PDE4D: variants seen among roughly 807,000 people sequenced by gnomAD.
PDE4D encodes the protein phosphodiesterase 4D.
In PDE4D, 24 loss-of-function variants were observed where a neutral mutation model predicts 87.4. The ratio of observed to expected loss-of-function variants is 0.27; its 90% CI spans 0.20 to 0.39. The LOEUF (loss-of-function observed/expected upper bound fraction) is 0.39, where lower values mean the gene tolerates loss of function less well. PDE4D is among the 10% of genes least tolerant of loss of function. The probability of loss-of-function intolerance (pLI) is 1.00; values close to 1 mark genes in which losing one functional copy is unlikely to be tolerated. For missense variants in PDE4D, 714 were observed against 1,041.0 expected, an observed-to-expected ratio of 0.69 and a Z score of 4.32; for synonymous variants, 384 against 383.2, an observed-to-expected ratio of 1.00 and a Z score of -0.02.
rs1270944595 is a variant in PDE4D, at chr5:59,836,343, G to A, written c.455+56825C>T. ...TCTCTAATTTTTCTTCAACAAATAT[G>A]TATTTCTTTGGAGTAAAAACAATAG... On this transcript the variant is annotated intron_variant, in intron 1 of 14. Transcript: ENST00000340635. Among the ~76,000 whole-genome samples, 3 of 152,072 alleles carry A rather than the reference G, an allele frequency of 2.0e-5. No individual in the cohort carries two copies. The South Asian group carries it at 6.2e-4, about 32-fold the overall frequency.
chr5:60,228,445 A>G (rs1745390597), intron 1 of PDE4D, among the ~76,000 whole-genome samples: 1 of 152,118 alleles, frequency 6.6e-6, no homozygotes, highest in Non-Finnish European at 1.5e-5. Flanking sequence ...ACAGAGAAAT[A>G]TCACATGCCA....
chr5:59,659,897 G>A (rs1744963017), intron 1 of PDE4D, among the ~76,000 whole-genome samples: 1 of 152,068 alleles, frequency 6.6e-6, no homozygotes, highest in East Asian at 1.9e-4. Flanking sequence ...AATAAATATT[G>A]AAGTAGGCCG....
intron 1 of PDE4D, among the ~76,000 whole-genome samples, chr5:59,713,420 A>C (rs1754501959): frequency 6.6e-6 from 1 of 152,134 alleles, no homozygotes; most frequent in African/African-American, 2.4e-5. Flanking sequence ...TTGTCTGTAA[A>C]AGGTATAACT....
At chr5:60,196,181 T>A (rs1282174596) in intron 1 of PDE4D, among the ~76,000 whole-genome samples, 1 of 151,698 alleles carries the variant, frequency 6.6e-6, no homozygotes. Flanking sequence ...GGTATGGAAA[T>A]GCCAGAGTAC....
chr5:60,230,954 C>A (rs1745736239), intron 1 of PDE4D, among the ~76,000 whole-genome samples: 2 of 152,062 alleles, frequency 1.3e-5, no homozygotes, highest in African/African-American at 4.8e-5. Context: ...CTTCGCTGAT[C>A]TCTCATTATT....
chr5:59,663,995 T>C (rs1040807240), intron 1 of PDE4D, among the ~76,000 whole-genome samples: 5 of 152,212 alleles, frequency 3.3e-5, no homozygotes. Flanking sequence ...TTGAAGCCAA[T>C]GTAACCAACA....
chr5:59,834,631 T>C (rs1561737768), intron 1 of PDE4D, among the ~76,000 whole-genome samples: 1 of 152,074 alleles, frequency 6.6e-6, no homozygotes, highest in Non-Finnish European at 1.5e-5. Flanking sequence ...TTTACTACGC[T>C]TCATGCTCTT....
chr5:59,802,164 T>G (rs560177906), intron 1 of PDE4D, among the ~76,000 whole-genome samples: 1 of 152,240 alleles, frequency 6.6e-6, no homozygotes, highest in South Asian at 2.1e-4. Flanking sequence ...TATGCCCAGA[T>G]CACAGCCCAC....
At chr5:59,970,613 C>A (rs990565209) in intron 3 of PDE4D, among the ~76,000 whole-genome samples, 2 of 151,172 alleles carry the variant, frequency 1.3e-5, no homozygotes. Flanking sequence ...AAAATGCTCA[C>A]CATCACTGGC....
intron 2 of PDE4D, chr5:60,147,979 A>G (rs764854390): frequency 1.3e-5 from 4 of 312,624 alleles, no homozygotes; most frequent in South Asian, 2.5e-5. Context: ...TCTTGGCCAC[A>G]GAGATCAACC....
Position 60,110,834 on chromosome 5 carries a change from G to A in PDE4D, c.42+74723C>T, listed in dbSNP as rs552312625. On this transcript the variant is annotated intron_variant, in intron 2 of 16. Transcript: ENST00000502484. ...TACTATTCAGCCACAAAAAGATAAT[G>A]AAATCCTGTCATTCTCAGCAATGTG... Among the ~76,000 whole-genome samples, 7 of 152,166 alleles carry A rather than the reference G, an allele frequency of 4.6e-5. No homozygotes were observed. In the East Asian group the frequency reaches 1.2e-3, roughly 25 times the overall value.
At chr5:59,777,814 C>A (rs976889530) in intron 1 of PDE4D, among the ~76,000 whole-genome samples, 1 of 152,006 alleles carries the variant, frequency 6.6e-6, no homozygotes, top group Non-Finnish European at 1.5e-5. Context: ...ATAACAAAAT[C>A]ATAAACCATT....
intron 1 of PDE4D, among the ~76,000 whole-genome samples, chr5:59,247,509 T>C (rs878947576): frequency 1.3e-5 from 2 of 152,146 alleles, no homozygotes; most frequent in African/African-American, 4.8e-5. Flanking sequence ...TAGAGTACAA[T>C]GGCTTTTTAC....
At chr5:59,786,765 C>T (rs757889374) in intron 1 of PDE4D, among the ~76,000 whole-genome samples, 6 of 152,098 alleles carry the variant, frequency 3.9e-5, no homozygotes, top group Admixed American at 6.5e-5. Flanking sequence ...AAGTGAAATA[C>T]GGGATTGGTG....
intron 1 of PDE4D, among the ~76,000 whole-genome samples, chr5:59,366,411 A>C (rs1335532366): frequency 6.6e-6 from 1 of 152,208 alleles, no homozygotes; most frequent in Non-Finnish European, 1.5e-5. Flanking sequence ...AGATATGCTC[A>C]AGATTATGAG....
chr5:60,043,393 T>A (rs1768756854), intron 2 of PDE4D, among the ~76,000 whole-genome samples: 1 of 151,982 alleles, frequency 6.6e-6, no homozygotes, highest in African/African-American at 2.4e-5. Flanking sequence ...TCCAGTAGAA[T>A]ATCCCCAACC....
At chr5:60,044,028 C>T (rs1189532096) in intron 2 of PDE4D, among the ~76,000 whole-genome samples, 1 of 151,992 alleles carries the variant, frequency 6.6e-6, no homozygotes, top group Non-Finnish European at 1.5e-5. Context: ...TCTTCTGTAG[C>T]TTCTTTCATG....
At chr5:59,768,619 C>A in intron 1 of PDE4D, 1 of 1,535,160 alleles carries the variant, frequency 6.5e-7, no homozygotes, top group South Asian at 1.3e-5. Flanking sequence ...GCTGTTAGTG[C>A]ATTCAGTCGC....
intron 1 of PDE4D, among the ~76,000 whole-genome samples, chr5:59,412,787 T>C (rs780365459): frequency 2.6e-5 from 4 of 152,224 alleles, no homozygotes; most frequent in African/African-American, 9.6e-5. Flanking sequence ...TATGGGAAAC[T>C]ATTTTGGTCT....
Sources: gnomAD v4.1 joint callset for allele counts (sites outside exome capture counted in the v4.1 genomes callset) on GRCh38, gnomAD v4.1.1 for gene constraint, MANE v1.5 for transcripts, NCBI Gene and HGNC (gene_info 2026-07-23, HGNC 2026-07-21) for gene names.